The following NANS variants were observed in gnomAD, a reference collection of about 807,000 sequenced individuals.
NANS encodes N-acetylneuraminate synthase.
A neutral mutation model predicts 33.3 loss-of-function variants in NANS; 29 were observed. That is an observed-to-expected ratio of 0.87 (90% CI 0.65 to 1.19). NANS has a LOEUF of 1.19. Among genes scored for constraint, NANS ranks in the 50% most tolerant of loss-of-function variants. The pLI, the probability that NANS is intolerant of heterozygous loss-of-function variation, is 0.00. For missense variants in NANS, 394 were observed against 461.1 expected (o/e 0.85, Z 1.33); for synonymous variants, 163 against 177.2 (o/e 0.92, Z 0.64).
chr9:98,056,869 A>C lies in NANS; in HGVS notation c.61A>C (p.Ile21Leu). ...RWVGGQHPCF[I>L]IAEIGQNHQG... ...GGTGGGCGGGCAACACCCGTGCTTC[A>C]TCATTGCCGAGATCGGCCAGAACCA... Residue 21 changes from isoleucine to leucine, a missense_variant, in exon 1 of 6, where the codon ATC becomes CTC. Coordinates refer to ENST00000210444, the MANE Select transcript of NANS (RefSeq NM_018946.4). The C allele has an allele frequency of 6.2e-7, 1 of 1,612,256 alleles. No homozygotes were observed. The highest frequency in any genetic ancestry group is 8.5e-7 in the Non-Finnish European group (1 of 1,179,378).
intron 5 of NANS, chr9:98,081,722 C>G (rs1829871394): frequency 6.6e-6 from 1 of 152,334 alleles, no homozygotes; most frequent in African/African-American, 2.4e-5. Flanking sequence ...CCTGGGGCTG[C>G]CAGGCACACA....
At chr9:98,062,145 G>A (rs527507242) in intron 2 of NANS, among the ~76,000 whole-genome samples, 6 of 152,010 alleles carry the variant, frequency 3.9e-5, no homozygotes, top group South Asian at 4.2e-4. Flanking sequence ...ATTTGAGACT[G>A]CAGTTAGCCA....
chr9:98,057,922 G>GTTTTTTTTTT (rs35104052), intron 1 of NANS, among the ~76,000 whole-genome samples: 11 of 78,086 alleles, frequency 1.4e-4, no homozygotes, highest in Non-Finnish European at 2.1e-4. Context: ...TTTTTTCCTG[G>GTTTTTTTTTT]TTTTTTTTTT....
intron 2 of NANS, among the ~76,000 whole-genome samples, chr9:98,072,821 G>A (rs921327229): frequency 5.3e-5 from 8 of 152,188 alleles, no homozygotes; most frequent in Admixed American, 2.6e-4. Context: ...GTGGCTCCCA[G>A]TGTTTACCTA....
Position 98,060,963 on chromosome 9 carries a change from T to G in NANS, c.314T>G (p.Val105Gly), listed in dbSNP as rs768017987. The part of the protein sequence containing the change: ...YRELQRYAEE[V>G]GIFFTASGMD... ...GAGCTGCAGAGGTACGCCGAGGAGG[T>G]TGGGATCTTCTTCACTGCCTCTGGC... The change falls in exon 2 of 6, where the codon GTT becomes GGT. Residue 105 changes from valine (V) to glycine (G), a missense_variant. Coordinates refer to ENST00000210444, the MANE Select transcript of NANS (RefSeq NM_018946.4). The G allele has an allele frequency of 2.5e-6, 4 of 1,613,780 alleles. No individual in the cohort carries two copies. Among genetic ancestry groups the G allele is most frequent in the Non-Finnish European group, 3.4e-6 (4 of 1,179,988 alleles).
intron 4 of NANS, 34 bp from the exon 5 acceptor site, chr9:98,080,782 T>C: frequency 6.5e-7 from 1 of 1,543,378 alleles, no homozygotes; most frequent in Non-Finnish European, 8.8e-7. Flanking sequence ...AGCAGCATGA[T>C]ATTTAATGTT....
chr9:98,071,313 C>T (rs989542554), intron 2 of NANS, among the ~76,000 whole-genome samples: 1 of 152,234 alleles, frequency 6.6e-6, no homozygotes, highest in Non-Finnish European at 1.5e-5. Flanking sequence ...CTGTGTGGCC[C>T]ATACCCGGGC....
At chr9:98,059,489 A>G (rs933981569) in intron 1 of NANS, among the ~76,000 whole-genome samples, 2 of 152,058 alleles carry the variant, frequency 1.3e-5, no homozygotes, top group Non-Finnish European at 2.9e-5. Context: ...ATCATAGCTC[A>G]TTGCCACCTC....
intron 1 of NANS, among the ~76,000 whole-genome samples, chr9:98,059,968 G>A (rs562367118): frequency 3.3e-5 from 5 of 152,136 alleles, no homozygotes; most frequent in African/African-American, 1.2e-4. Flanking sequence ...GTCCCTGAGA[G>A]GGCCTCATTA....
At chr9:98,068,719 A>G (rs376409842) in intron 2 of NANS, among the ~76,000 whole-genome samples, 291 of 151,802 alleles carry the variant, frequency 1.9e-3, no homozygotes, top group African/African-American at 6.8e-3. Flanking sequence ...AGGCTGAGGC[A>G]GGAAGGCGGG....
At chr9:98,069,890 C>A (rs914142930) in intron 2 of NANS, among the ~76,000 whole-genome samples, 2 of 152,090 alleles carry the variant, frequency 1.3e-5, no homozygotes, top group African/African-American at 4.8e-5. Flanking sequence ...TATAGGCACA[C>A]AGAAATGAAT....
Position 98,082,971 on chromosome 9 carries a change from C to A in NANS, c.996C>A (p.Gly332=). The part of the protein sequence containing the change: ...YPPEDIFNLV[G]KKVLVTVEED... ...CTGAAGACATCTTTAATCTAGTGGG[C>A]AAGAAGGTCCTGGTCACTGTTGAAG... Residue 332 remains glycine (G), a synonymous_variant, in exon 6 of 6, where the codon GGC becomes GGA. Transcript: ENST00000210444. 6.2e-7 allele frequency: 1 copy of A among 1,614,094 alleles called. No individual in the cohort carries two copies. The highest frequency in any genetic ancestry group is 8.5e-7 in the Non-Finnish European group (1 of 1,180,032).
At chr9:98,074,625 A>T (rs1248223374) in intron 2 of NANS, 2 of 152,140 alleles carry the variant, frequency 1.3e-5, no homozygotes, top group African/African-American at 4.8e-5. Context: ...TTCCAGCAGG[A>T]ATTGGCCTTT....
Position 98,082,900 on chromosome 9 carries a change from A to G in NANS, c.925A>G (p.Met309Val). Residue 309 changes from methionine (M) to valine (V), a missense_variant, in exon 6 of 6, where the codon ATG becomes GTG. Met to Val is a conservative substitution (Grantham distance 21). Coordinates refer to ENST00000210444, the MANE Select transcript of NANS (RefSeq NM_018946.4). The part of the protein sequence containing the change: ...VKIPEGTILT[M>V]DMLTVKVGEP... ...AATTCCGGAAGGCACCATTCTAACA[A>G]TGGACATGCTCACCGTGAAGGTGGG... 6.2e-7 allele frequency: 1 copy of G among 1,614,186 alleles called. No homozygotes were observed. The highest frequency in any genetic ancestry group is 8.5e-7 in the Non-Finnish European group (1 of 1,180,036).
chr9:98,056,997 C>T (rs1008468296), intron 1 of NANS, 57 bp downstream of exon 1: 1 of 1,494,762 alleles, frequency 6.7e-7, no homozygotes. Flanking sequence ...CGGGGCGGGG[C>T]CGCGGGGAGC....
intron 4 of NANS, 69 bp from the exon 5 acceptor site, chr9:98,080,747 C>A: frequency 1.3e-6 from 2 of 1,503,694 alleles, no homozygotes; most frequent in Non-Finnish European, 8.9e-7. Flanking sequence ...CAACCAGATA[C>A]GCTTCACCTG....
rs1829960988 is a variant in NANS, at chr9:98,083,063, G to A, written c.*8G>A. The A allele has an allele frequency of 1.2e-6, 2 of 1,613,078 alleles. No homozygotes were observed. Among genetic ancestry groups the A allele is most frequent in the African/African-American group, 1.3e-5 (1 of 74,876 alleles). ...AAAAAAATCAAGTCTTAAAAATAAA[G>A]TGCCATTCTCTGAATTCTCAGTTCC... On this transcript the variant is annotated 3_prime_UTR_variant, in exon 6 of 6. Transcript: ENST00000210444.
intron 2 of NANS, chr9:98,069,664 G>A (rs1259154753): frequency 2.6e-5 from 4 of 152,276 alleles, no homozygotes; most frequent in Non-Finnish European, 5.9e-5. Context: ...GGAACATACT[G>A]TACGATTCTG....
At chr9:98,081,134 T>C (rs1209344930) in intron 5 of NANS, 52 bp downstream of exon 5, 2 of 1,604,118 alleles carry the variant, frequency 1.2e-6, no homozygotes, top group Non-Finnish European at 1.7e-6. Flanking sequence ...GGAAAAAGGA[T>C]AGGCTGGCCT....
Sources: allele counts gnomAD v4.1 joint callset (sites outside exome capture counted in the v4.1 genomes callset), GRCh38; gene constraint gnomAD v4.1.1; transcripts MANE v1.5; gene names NCBI Gene and HGNC (gene_info 2026-07-23, HGNC 2026-07-21).